ALG8: variants seen among roughly 807,000 people sequenced by gnomAD.
ALG8 encodes the protein dolichyl pyrophosphate Glc1Man9GlcNAc2 alpha-1,3-glucosyltransferase.
A neutral mutation model predicts 70.2 loss-of-function variants in ALG8; 48 were observed. The ratio of observed to expected loss-of-function variants is 0.68; its 90% CI spans 0.54 to 0.87. The LOEUF (loss-of-function observed/expected upper bound fraction) is 0.87, where lower values mean the gene tolerates loss of function less well. Ranked by LOEUF, ALG8 falls within the 40% of genes least tolerant of loss-of-function variation. The pLI is 0.00. For synonymous variants in ALG8, 234 were observed against 229.0 expected, an observed-to-expected ratio of 1.02 and a Z score of -0.20; for missense variants, 572 against 608.7, an observed-to-expected ratio of 0.94 and a Z score of 0.64.
intron 4 of ALG8, among the ~76,000 whole-genome samples, chr11:78,119,861 G>A (rs1256948382): frequency 6.6e-6 from 1 of 152,022 alleles, no homozygotes; most frequent in Non-Finnish European, 1.5e-5. Flanking sequence ...CAGCATTTTG[G>A]GAGGCTGACA....
Position 78,119,252 on chromosome 11 carries a change from G to A in ALG8, c.479-3C>T. 6.2e-6 allele frequency: 10 copies of A among 1,608,128 alleles called. No homozygotes were observed. The highest frequency in any genetic ancestry group is 8.5e-6 in the Non-Finnish European group (10 of 1,174,976). On this transcript the variant is annotated splice_region_variant and splice_polypyrimidine_tract_variant and intron_variant, in intron 4 of 12. Transcript: ENST00000299626. ...GCCATTGTACTGAAAATGAATATCT[G>A]GACTTAGGTCAAGGAAAGACAACAG...
intron 10 of ALG8, among the ~76,000 whole-genome samples, chr11:78,105,979 A>C (rs1860011775): frequency 6.6e-6 from 1 of 152,150 alleles, no homozygotes; most frequent in African/African-American, 2.4e-5. Flanking sequence ...AAGTACTGGG[A>C]TTGCAGATGT....
chr11:78,127,508 C>T, intron 1 of ALG8, 72 bp from the exon 2 acceptor site: 12 of 1,317,818 alleles, frequency 9.1e-6, no homozygotes, highest in Non-Finnish European at 1.2e-5. Context: ...CATAGTTATG[C>T]TTTTAAATGG....
chr11:78,127,222 C>A lies in ALG8; in HGVS notation c.174+136G>T, dbSNP rs144726596. 2.3e-3 allele frequency: 1,694 copies of A among 727,706 alleles called. 20 individuals carry two copies. In the African/African-American group the frequency reaches 0.027, roughly 11 times the overall value. 45.1% of individuals were successfully genotyped at this position (727,706 alleles called of 1,614,324 possible). ...TCCAACCCCTGACCTCATGATCTGC[C>A]CGCCTTGGCCTCCCAAAGTGCTGGG... On this transcript the variant is annotated intron_variant, in intron 2 of 12. Transcript: ENST00000299626.
chr11:78,105,935 C>T (rs1206994709), intron 10 of ALG8, among the ~76,000 whole-genome samples: 3 of 152,070 alleles, frequency 2.0e-5, no homozygotes, highest in African/African-American at 7.2e-5. Context: ...TCTCAAACTC[C>T]TGGCATCAAG....
At chr11:78,121,934 A>G (rs1860841312) in intron 3 of ALG8, among the ~76,000 whole-genome samples, 1 of 152,264 alleles carries the variant, frequency 6.6e-6, no homozygotes, top group African/African-American at 2.4e-5. Flanking sequence ...ACAAAACAGT[A>G]AGATCCTATT....
At chr11:78,139,442 T>G in intron 1 of ALG8, 52 bp downstream of exon 1, 5 of 1,537,972 alleles carry the variant, frequency 3.3e-6, no homozygotes, top group Non-Finnish European at 4.4e-6. Flanking sequence ...TCTCCCGCCC[T>G]GACCGACCGC....
intron 3 of ALG8, among the ~76,000 whole-genome samples, chr11:78,122,489 C>T (rs1168773747): frequency 1.3e-5 from 2 of 151,912 alleles, no homozygotes; most frequent in African/African-American, 2.4e-5. Flanking sequence ...CAACAGTCCC[C>T]GGCAACCACA....
At chr11:78,127,856 T>G (rs1172176571) in intron 1 of ALG8, among the ~76,000 whole-genome samples, 1 of 151,970 alleles carries the variant, frequency 6.6e-6, no homozygotes, top group Non-Finnish European at 1.5e-5. Flanking sequence ...ACTACAGGCA[T>G]GTACCACCAA....
At chr11:78,134,505 CAA>C (rs1861459060) in intron 1 of ALG8, among the ~76,000 whole-genome samples, 1 of 152,210 alleles carries the variant, frequency 6.6e-6, no homozygotes, top group Non-Finnish European at 1.5e-5. Context: ...CTTCCTTTCA[CAA>C]AAGATTCCTC....
chr11:78,118,070 CAAAA>C (rs10710282), intron 5 of ALG8, among the ~76,000 whole-genome samples: 1 of 111,492 alleles, frequency 9.0e-6, no homozygotes. Flanking sequence ...GACTCCGTCT[CAAAA>C]AAAAAAAAAA....
At chr11:78,123,090 G>A (rs1459996533) in intron 3 of ALG8, among the ~76,000 whole-genome samples, 2 of 151,902 alleles carry the variant, frequency 1.3e-5, no homozygotes, top group Non-Finnish European at 2.9e-5. Context: ...GGTGGATCAC[G>A]AGGTCAGGAG....
At chr11:78,109,651 A>G in intron 8 of ALG8, 70 bp from the exon 9 acceptor site, 2 of 1,422,838 alleles carry the variant, frequency 1.4e-6, no homozygotes, top group South Asian at 1.2e-5. Context: ...TTAACAATCA[A>G]TTCCTTGAGG....
chr11:78,107,989 TA>T (rs1317284769), intron 9 of ALG8, among the ~76,000 whole-genome samples: 3 of 148,206 alleles, frequency 2.0e-5, no homozygotes, highest in Non-Finnish European at 3.0e-5. Flanking sequence ...TACTAAAAAC[TA>T]CAAAAAAGGC....
intron 8 of ALG8, among the ~76,000 whole-genome samples, chr11:78,111,036 T>G (rs1477264296): frequency 6.6e-6 from 1 of 152,226 alleles, no homozygotes; most frequent in Non-Finnish European, 1.5e-5. Context: ...GGAATTACTC[T>G]GTAAGAATGC....
rs916626904 is a variant in ALG8 at position 78,103,850 on chromosome 11, T to C, written c.1349+130A>G. The C allele has an allele frequency of 2.9e-5, 16 of 546,466 alleles. No individual in the cohort carries two copies. In the East Asian group the frequency reaches 3.1e-4, roughly 11 times the overall value. The allele number at this position is 546,466 out of a possible 1,614,324, so 33.9% of individuals were successfully genotyped here. ...GGATTGAGTGATTTCTCCCTCTATT[T>C]ACCAATTTTTTTTGTAATGTTGTCA... On this transcript the variant is annotated intron_variant, in intron 12 of 12. Coordinates refer to ENST00000299626, the MANE Select transcript of ALG8 (RefSeq NM_024079.5).
intron 2 of ALG8, among the ~76,000 whole-genome samples, chr11:78,127,045 T>C (rs1590834585): frequency 2.0e-5 from 3 of 152,070 alleles, no homozygotes; most frequent in Admixed American, 2.0e-4. Context: ...AGTGGCGCGA[T>C]CTCGGCTCAC....
Position 78,112,656 on chromosome 11 carries a change from C to T in ALG8, c.892G>A (p.Val298Ile), listed in dbSNP as rs770538646. 3.7e-6 allele frequency: 6 copies of T among 1,613,894 alleles called. No individual in the cohort carries two copies. Among genetic ancestry groups the T allele is most frequent in the Middle Eastern group, 1.7e-4 (1 of 6,060 alleles). ...AAAATGCTCGCTACCATACCGATGA[C>T]AGACAGCACTTTGTCCAAAGCATTG... The part of the protein sequence containing the change: ...LYNALDKVLS[V>I]IGLKLKFLDP... The change falls in exon 8 of 13, where the codon GTC becomes ATC. Residue 298 changes from valine to isoleucine, a missense_variant. By Grantham distance (29) the Val-to-Ile change is conservative. Transcript: ENST00000299626.
chr11:78,105,455 T>G (rs1201499080), intron 10 of ALG8, among the ~76,000 whole-genome samples: 1 of 152,172 alleles, frequency 6.6e-6, no homozygotes, highest in African/African-American at 2.4e-5. Context: ...TCTTGCGACC[T>G]GTATGACTTT....
Sources: gnomAD v4.1 joint callset for allele counts (sites outside exome capture counted in the v4.1 genomes callset) on GRCh38, gnomAD v4.1.1 for gene constraint, MANE v1.5 for transcripts, NCBI Gene and HGNC (gene_info 2026-07-23, HGNC 2026-07-21) for gene names.